TRAPPC5: variants seen among roughly 807,000 people sequenced by gnomAD.
TRAPPC5 encodes the protein trafficking protein particle complex 5.
Under a neutral mutation model 9.8 loss-of-function variants are expected in TRAPPC5, and 5 were observed. That is an observed-to-expected ratio of 0.51 (90% CI 0.27 to 1.07). The LOEUF (loss-of-function observed/expected upper bound fraction) is 1.07, where lower values mean the gene tolerates loss of function less well. Ranked by LOEUF, TRAPPC5 falls within the 50% of genes least tolerant of loss-of-function variation. The probability of loss-of-function intolerance (pLI) is 0.12; values close to 1 mark genes in which losing one functional copy is unlikely to be tolerated. For missense variants in TRAPPC5, 243 were observed against 291.5 expected (o/e 0.83, Z 1.21); for synonymous variants, 146 against 140.7 (o/e 1.04, Z -0.26).
Position 7,682,876 on chromosome 19 carries a change from G to A in TRAPPC5, c.*56G>A. On this transcript the variant is annotated 3_prime_UTR_variant, in exon 2 of 2. Transcript: ENST00000596148. This position sits in a 1 kb window ranked among gnomAD's most constrained non-coding sequence, Gnocchi z 8.6. ...CCTCCCCACGTGTGTCTTGTGTCTTGTGTGGCGGCCTTAGATCCACTCAGT... is the reference window on the plus strand; with the variant it reads ...CCTCCCCACGTGTGTCTTGTGTCTTATGTGGCGGCCTTAGATCCACTCAGT... The A allele has an allele frequency of 4.7e-6, 7 of 1,494,968 alleles. No individual in the cohort carries two copies. The highest frequency in any genetic ancestry group is 6.3e-6 in the Non-Finnish European group (7 of 1,112,936). 92.6% of individuals were successfully genotyped at this position (1,494,968 alleles called of 1,614,324 possible).
rs61322464 is a variant in TRAPPC5 at position 7,687,380 on chromosome 19, C to A, written c.*4560C>A. On this transcript the variant is annotated 3_prime_UTR_variant, in exon 2 of 2. Transcript: ENST00000596148. ...TCCCGTGGCCTCCGGCATGGGTCGACCTTGGCCGAGCGTGAGGCTGGTGCC... is the reference window on the plus strand; with the variant it reads ...TCCCGTGGCCTCCGGCATGGGTCGAACTTGGCCGAGCGTGAGGCTGGTGCC... 0.099 allele frequency: 15,145 copies of A among 152,352 alleles called. 1,078 individuals are homozygous for A. Among genetic ancestry groups the A allele is most frequent in the East Asian group, 0.29 (1,487 of 5,136 alleles). The allele number at this position is 152,352 out of a possible 1,614,324, so 9.4% of individuals were successfully genotyped here.
chr19:7,681,989 C>T lies in TRAPPC5; in HGVS notation c.-12-253C>T, dbSNP rs1484081836. Among the ~76,000 whole-genome samples the T allele has an allele frequency of 6.6e-6, 1 of 152,104 alleles. No homozygotes were observed. Among genetic ancestry groups the T allele is most frequent in the Non-Finnish European group, 1.5e-5 (1 of 67,998 alleles). On this transcript the variant is annotated intron_variant, in intron 1 of 1. Transcript: ENST00000596148. The surrounding 1 kb of genome is among the most constrained non-coding windows in gnomAD (Gnocchi z 8.7). ...GTTCCCCCTCGTGTCTCTCCTCCCA[C>T]CTTGTCCCCACTCCCGCTAGCCCGC...
rs2032679514 is a variant in TRAPPC5 at position 7,683,583 on chromosome 19, A to G, written c.*763A>G. 1 of 152,078 alleles carries G rather than the reference A, an allele frequency of 6.6e-6. No individual in the cohort carries two copies. The highest frequency in any genetic ancestry group is 1.5e-5 in the Non-Finnish European group (1 of 68,034). 9.4% of individuals were successfully genotyped at this position (152,078 alleles called of 1,614,324 possible). ...TGCAACCACAGACAACATGTAAAGG[A>G]GTGGGTGTCACCGTGTGCCTAGAAA... On this transcript the variant is annotated 3_prime_UTR_variant, in exon 2 of 2. Coordinates refer to ENST00000596148, the MANE Select transcript of TRAPPC5 (RefSeq NM_001042462.2).
rs758155361 is a variant in TRAPPC5 at position 7,682,306 on chromosome 19, C to T, written c.53C>T (p.Ala18Val). Residue 18 changes from alanine to valine, a missense_variant, in exon 2 of 2, where the codon GCG (alanine) becomes GTG (valine). Transcript: ENST00000596148. The surrounding 1 kb of genome is among the most constrained non-coding windows in gnomAD (Gnocchi z 8.6). ...GKSALLERAL[A>V]RPRTEVSLSA... is the part of the protein sequence containing the mutation. ...TCGGCGCTGCTGGAGCGCGCGCTGG[C>T]GCGGCCGCGCACCGAGGTGAGCCTG... is the stretch of plus-strand genomic sequence containing the variant. The T allele has an allele frequency of 3.1e-5, 46 of 1,485,446 alleles. No homozygotes were observed. Among genetic ancestry groups the T allele is most frequent in the Admixed American group, 1.1e-4 (4 of 37,086 alleles). 92.0% of individuals were successfully genotyped at this position (1,485,446 alleles called of 1,614,324 possible). A position where few individuals can be genotyped will look rare whatever the true frequency, so the allele number is the denominator to read the frequency against.
chr19:7,682,898 C>T lies in TRAPPC5; in HGVS notation c.*78C>T. The T allele has an allele frequency of 1.4e-6, 2 of 1,442,874 alleles. No homozygotes were observed. Among genetic ancestry groups the T allele is most frequent in the Non-Finnish European group, 1.9e-6 (2 of 1,073,846 alleles). The allele number at this position is 1,442,874 out of a possible 1,614,324, so 89.4% of individuals were successfully genotyped here. ...CTTGTGTGGCGGCCTTAGATCCACT[C>T]AGTACCTTGAGCCACAGCCCTGCCC... On this transcript the variant is annotated 3_prime_UTR_variant, in exon 2 of 2. Transcript: ENST00000596148. The surrounding 1 kb of genome is among the most constrained non-coding windows in gnomAD (Gnocchi z 8.6).
At position 7,687,140 on chromosome 19, in the gene TRAPPC5, CG is replaced by C. The variant is rs1568484480; in HGVS notation, c.*4323del. ...AAAGGGGGCAGTGAAGAGAGAGCCCCGGGCGGAGGTGACTGCTCCAGTCGAG... is the reference window on the plus strand; with the variant it reads ...AAAGGGGGCAGTGAAGAGAGAGCCCCGGCGGAGGTGACTGCTCCAGTCGAG... On this transcript the variant is annotated 3_prime_UTR_variant, in exon 2 of 2. Transcript: ENST00000596148. The C allele has an allele frequency of 6.6e-6, 1 of 152,488 alleles. No homozygotes were observed. Among genetic ancestry groups the C allele is most frequent in the Non-Finnish European group, 1.5e-5 (1 of 68,264 alleles). 9.4% of individuals were successfully genotyped at this position (152,488 alleles called of 1,614,324 possible).
In TRAPPC5 at chr19:7,682,459, T is replaced by C. The variant is rs914889125; in HGVS notation, c.206T>C (p.Leu69Pro). ...GTGGGCGCGCGCGTGCTGGATGCGC[T>C]GGTGGCGCGCGAAAAGGGTGCCCGG... ...RQVGARVLDA[L>P]VAREKGARRE... Residue 69 changes from leucine to proline, a missense_variant, in exon 2 of 2, where the codon CTG (leucine) becomes CCG (proline). By Grantham distance (98) the Leu-to-Pro change is moderately conservative. Coordinates refer to ENST00000596148, the MANE Select transcript of TRAPPC5 (RefSeq NM_001042462.2). The surrounding 1 kb of genome is among the most constrained non-coding windows in gnomAD (Gnocchi z 8.6). 8.7e-6 allele frequency: 14 copies of C among 1,609,406 alleles called. No homozygotes were observed. Among genetic ancestry groups the C allele is most frequent in the Admixed American group, 1.7e-5 (1 of 59,716 alleles).
rs2032672963 is a variant in TRAPPC5 at position 7,683,160 on chromosome 19, G to C, written c.*340G>C. 4.1e-5 allele frequency: 13 copies of C among 314,260 alleles called. No homozygotes were observed. In the East Asian group the frequency reaches 7.4e-4, roughly 18 times the overall value. The allele number at this position is 314,260 out of a possible 1,614,324, so 19.5% of individuals were successfully genotyped here. ...GCTGAGACAGACGCCTTTAGACTGG[G>C]GGTGGGCAAACTGCGCAAAGTGCCA... On this transcript the variant is annotated 3_prime_UTR_variant, in exon 2 of 2. Transcript: ENST00000596148.
chr19:7,683,097 A>G lies in TRAPPC5; in HGVS notation c.*277A>G. On this transcript the variant is annotated 3_prime_UTR_variant, in exon 2 of 2. Coordinates refer to ENST00000596148, the MANE Select transcript of TRAPPC5 (RefSeq NM_001042462.2). ...GGAATCACGGTTGGAGGCTGTCTGC[A>G]GGCTGGAGGGGGCATGGGGTCCTGG... 2.0e-6 allele frequency: 1 copy of G among 493,744 alleles called. No homozygotes were observed. Among genetic ancestry groups the G allele is most frequent in the Non-Finnish European group, 3.6e-6 (1 of 275,086 alleles). 30.6% of individuals were successfully genotyped at this position (493,744 alleles called of 1,614,324 possible).
Position 7,682,193 on chromosome 19 carries a change from C to A in TRAPPC5, c.-12-49C>A. 7.4e-7 allele frequency: 1 copy of A among 1,350,802 alleles called. No homozygotes were observed. The highest frequency in any genetic ancestry group is 9.5e-7 in the Non-Finnish European group (1 of 1,051,360). The allele number at this position is 1,350,802 out of a possible 1,614,324, so 83.7% of individuals were successfully genotyped here. ...TTCTCCCTCCTTTCCTCCCGGCCTGCTCCCCTTCCCATTGCCCCTGACACC... is the reference window on the plus strand; with the variant it reads ...TTCTCCCTCCTTTCCTCCCGGCCTGATCCCCTTCCCATTGCCCCTGACACC... On this transcript the variant is annotated intron_variant, in intron 1 of 1. Transcript: ENST00000596148. The surrounding 1 kb of genome is among the most constrained non-coding windows in gnomAD (Gnocchi z 8.6).
rs2032658473 is a variant in TRAPPC5 at position 7,682,485 on chromosome 19, C to T, written c.232C>T (p.Arg78Cys). The change falls in exon 2 of 2, where the codon CGT (arginine) becomes TGT (cysteine). Residue 78 changes from arginine to cysteine, a missense_variant. Physicochemically the swap from Arg to Cys is radical, Grantham distance 180. Transcript: ENST00000596148. The surrounding 1 kb of genome is among the most constrained non-coding windows in gnomAD (Gnocchi z 8.6). ...ALVAREKGAR[R>C]ETKVLGALLF... ...GGTGGCGCGCGAAAAGGGTGCCCGG[C>T]GTGAGACCAAGGTGCTAGGCGCGTT... 1 of 1,611,786 alleles carries T rather than the reference C, an allele frequency of 6.2e-7. No homozygotes were observed.
chr19:7,682,163 C>G lies in TRAPPC5; in HGVS notation c.-12-79C>G, dbSNP rs933414176. ...GGGTCGAGGGTGTCCCAGGGCCCCT[C>G]GCGGTTCTCCCTCCTTTCCTCCCGG... is the stretch of plus-strand genomic sequence containing the variant. On this transcript the variant is annotated intron_variant, in intron 1 of 1. Coordinates refer to ENST00000596148, the MANE Select transcript of TRAPPC5 (RefSeq NM_001042462.2). The surrounding 1 kb of genome is among the most constrained non-coding windows in gnomAD (Gnocchi z 8.6). 4 of 1,227,842 alleles carry G rather than the reference C, an allele frequency of 3.3e-6. No individual in the cohort carries two copies. Among genetic ancestry groups the G allele is most frequent in the Non-Finnish European group, 3.2e-6 (3 of 940,310 alleles). 76.1% of individuals were successfully genotyped at this position (1,227,842 alleles called of 1,614,324 possible). A position where few individuals can be genotyped will look rare whatever the true frequency, so the allele number is the denominator to read the frequency against.
rs1170125216 is a variant in TRAPPC5, at chr19:7,684,834, C to T, written c.*2014C>T. The T allele has an allele frequency of 6.0e-5, 9 of 150,020 alleles. No individual in the cohort carries two copies. In the East Asian group the frequency reaches 1.5e-3, roughly 26 times the overall value. 9.3% of individuals were successfully genotyped at this position (150,020 alleles called of 1,614,324 possible). A position where few individuals can be genotyped will look rare whatever the true frequency, so the allele number is the denominator to read the frequency against. Reference sequence around the variant, plus strand: ...TCCAGGATGATACAAACACATTTCCCTTGTTAAAAAAATTTTAAAATAAGT... The same window carrying T: ...TCCAGGATGATACAAACACATTTCCTTTGTTAAAAAAATTTTAAAATAAGT... On this transcript the variant is annotated 3_prime_UTR_variant, in exon 2 of 2. Coordinates refer to ENST00000596148, the MANE Select transcript of TRAPPC5 (RefSeq NM_001042462.2).
In TRAPPC5 at chr19:7,682,478, T is replaced by C. The variant is rs747329911; in HGVS notation, c.225T>C (p.Gly75=). The C allele has an allele frequency of 2.5e-6, 4 of 1,611,030 alleles. No individual in the cohort carries two copies. Among genetic ancestry groups the C allele is most frequent in the Non-Finnish European group, 3.4e-6 (4 of 1,178,870 alleles). ...ATGCGCTGGTGGCGCGCGAAAAGGGTGCCCGGCGTGAGACCAAGGTGCTAG... is the reference window on the plus strand; with the variant it reads ...ATGCGCTGGTGGCGCGCGAAAAGGGCGCCCGGCGTGAGACCAAGGTGCTAG... The part of the protein sequence containing the change: ...VLDALVAREK[G]ARRETKVLGA... Residue 75 remains glycine (G), a synonymous_variant, in exon 2 of 2, where the codon GGT becomes GGC. Coordinates refer to ENST00000596148, the MANE Select transcript of TRAPPC5 (RefSeq NM_001042462.2). This position sits in a 1 kb window ranked among gnomAD's most constrained non-coding sequence, Gnocchi z 8.6.
chr19:7,680,967 C>G (rs1431945448), intron 1 of TRAPPC5, 89 bp downstream of exon 1: 1 of 152,346 alleles, frequency 6.6e-6, no homozygotes, highest in Non-Finnish European at 1.5e-5. Flanking sequence ...GGGCTGGGGT[C>G]TCGGCGTCCG....
At position 7,684,257 on chromosome 19, in the gene TRAPPC5, C is replaced by T. The variant is rs2032689995; in HGVS notation, c.*1437C>T. The T allele has an allele frequency of 6.6e-6, 1 of 152,188 alleles. No homozygotes were observed. Among genetic ancestry groups the T allele is most frequent in the South Asian group, 2.1e-4 (1 of 4,824 alleles). 9.4% of individuals were successfully genotyped at this position (152,188 alleles called of 1,614,324 possible). ...GCAGGCTTTAGGGTATCAGAATCAC[C>T]AGGAGGGGCCACGTGCGGTGGCTCA... On this transcript the variant is annotated 3_prime_UTR_variant, in exon 2 of 2. Coordinates refer to ENST00000596148, the MANE Select transcript of TRAPPC5 (RefSeq NM_001042462.2).
chr19:7,682,633 A>G lies in TRAPPC5; in HGVS notation c.380A>G (p.Tyr127Cys), dbSNP rs1347173293. The G allele has an allele frequency of 6.2e-7, 1 of 1,613,808 alleles. No homozygotes were observed. Among genetic ancestry groups the G allele is most frequent in the Non-Finnish European group, 8.5e-7 (1 of 1,179,978 alleles). ...GAGCGCGAGCCGCTCATCAACACCT[A>G]CATCTCCGTGCCCAAGGAGAACAGC... ...IIEREPLINT[Y>C]ISVPKENSTL... The change falls in exon 2 of 2, where the codon TAC becomes TGC. Residue 127 changes from tyrosine (Y) to cysteine (C), a missense_variant. Physicochemically the swap from Tyr to Cys is radical, Grantham distance 194. Around this residue, in one of 2 missense-constraint regions of TRAPPC5, gnomAD observed 154 missense variants for 215.8 expected, o/e 0.71. Coordinates refer to ENST00000596148, the MANE Select transcript of TRAPPC5 (RefSeq NM_001042462.2). The surrounding 1 kb of genome is among the most constrained non-coding windows in gnomAD (Gnocchi z 8.6).
rs144965607 is a variant in TRAPPC5, at chr19:7,683,345, A to G, written c.*525A>G. On this transcript the variant is annotated 3_prime_UTR_variant, in exon 2 of 2. Coordinates refer to ENST00000596148, the MANE Select transcript of TRAPPC5 (RefSeq NM_001042462.2). ...CGTGATTCTCCTGCCTCAGCTTCCC[A>G]AGTAGCTGGGATTACAGGTGCCTCC... 1,461 of 152,316 alleles carry G rather than the reference A, an allele frequency of 9.6e-3. 22 individuals are homozygous for G. The highest frequency in any genetic ancestry group is 0.033 in the African/African-American group (1,375 of 41,310). 9.4% of individuals were successfully genotyped at this position (152,316 alleles called of 1,614,324 possible).
In TRAPPC5 at chr19:7,680,856, C is replaced by T. The variant is rs986465946; in HGVS notation, c.-35C>T. The T allele has an allele frequency of 6.6e-6, 1 of 152,262 alleles. No individual in the cohort carries two copies. Among genetic ancestry groups the T allele is most frequent in the Non-Finnish European group, 1.5e-5 (1 of 68,066 alleles). The allele number at this position is 152,262 out of a possible 1,614,324, so 9.4% of individuals were successfully genotyped here. A position where few individuals can be genotyped will look rare whatever the true frequency, so the allele number is the denominator to read the frequency against. Reference sequence around the variant, plus strand: ...TTACGGCGCCGTAAAGCAGCTCGGCCGAGCAGACTGCTGCGGTTCCTGGTG... The same window carrying T: ...TTACGGCGCCGTAAAGCAGCTCGGCTGAGCAGACTGCTGCGGTTCCTGGTG... On this transcript the variant is annotated 5_prime_UTR_variant, in exon 1 of 2. Transcript: ENST00000596148.
Sources: allele counts gnomAD v4.1 joint callset (sites outside exome capture counted in the v4.1 genomes callset), GRCh38; gene constraint gnomAD v4.1.1; regional missense constraint gnomAD v4.1.1; non-coding constraint Gnocchi (gnomAD v3.1); transcripts MANE v1.5; gene names NCBI Gene and HGNC (gene_info 2026-07-23, HGNC 2026-07-21).